Variants in DGKI observed in about 807,000 individuals in gnomAD.
DGKI encodes the protein DAG kinase iota.
A neutral mutation model predicts 147.5 loss-of-function variants in DGKI; 55 were observed. The ratio of observed to expected loss-of-function variants is 0.37; its 90% CI spans 0.30 to 0.47. The LOEUF is 0.47. Among genes scored for constraint, DGKI ranks in the 20% least tolerant of loss-of-function variants. DGKI has a pLI of 1.00. For missense variants in DGKI, 1,007 were observed against 1,323.8 expected (o/e 0.76, Z 3.71); for synonymous variants, 469 against 477.1 (o/e 0.98, Z 0.22).
At chr7:137,440,847 C>T (rs1813471970) in intron 28 of DGKI, among the ~76,000 whole-genome samples, 1 of 152,090 alleles carries the variant, frequency 6.6e-6, no homozygotes, top group African/African-American at 2.4e-5. Context: ...CTTGTGTTGC[C>T]AATTCTATAT....
chr7:137,599,393 G>GCACA (rs144091863), intron 11 of DGKI, among the ~76,000 whole-genome samples: 5 of 150,258 alleles, frequency 3.3e-5, no homozygotes, highest in Admixed American at 1.3e-4. Context: ...ACAAGCGCGC[G>GCACA]CACACACACA....
At chr7:137,607,587 T>C (rs1291345447) in intron 10 of DGKI, among the ~76,000 whole-genome samples, 1 of 152,180 alleles carries the variant, frequency 6.6e-6, no homozygotes, top group Non-Finnish European at 1.5e-5. Context: ...ATGTGGACTG[T>C]CATGACAAAA....
intron 21 of DGKI, among the ~76,000 whole-genome samples, chr7:137,506,726 T>C (rs1816381653): frequency 6.6e-6 from 1 of 152,150 alleles, no homozygotes; most frequent in African/African-American, 2.4e-5. Context: ...AGAGGATATA[T>C]GGAATTCTCT....
chr7:137,531,639 G>A (rs971815570), intron 20 of DGKI, among the ~76,000 whole-genome samples: 1 of 152,166 alleles, frequency 6.6e-6, no homozygotes, highest in Non-Finnish European at 1.5e-5. Context: ...CTATGTATCA[G>A]AGGGATCTCT....
chr7:137,755,248 T>C (rs1023052594), intron 1 of DGKI, among the ~76,000 whole-genome samples: 1 of 152,170 alleles, frequency 6.6e-6, no homozygotes, highest in Non-Finnish European at 1.5e-5. Flanking sequence ...GAAACATGAA[T>C]TAAAAAATGA....
At chr7:137,705,253 T>TA in intron 1 of DGKI, among the ~76,000 whole-genome samples, 1 of 151,990 alleles carries the variant, frequency 6.6e-6, no homozygotes, top group Non-Finnish European at 1.5e-5. Flanking sequence ...CTCCTAGATA[T>TA]AAAAAATTAT....
intron 21 of DGKI, among the ~76,000 whole-genome samples, chr7:137,497,893 C>T (rs1018754991): frequency 2.3e-4 from 35 of 151,846 alleles, no homozygotes; most frequent in African/African-American, 8.3e-4. Context: ...AATCTGCACA[C>T]TAAACACCTG....
At chr7:137,712,915 T>A (rs1171375804) in intron 1 of DGKI, among the ~76,000 whole-genome samples, 1 of 152,202 alleles carries the variant, frequency 6.6e-6, no homozygotes, top group Non-Finnish European at 1.5e-5. Context: ...CCTCGCCACT[T>A]AGCAACTTGT....
At chr7:137,782,250 G>A (rs976578505) in intron 1 of DGKI, among the ~76,000 whole-genome samples, 10 of 152,124 alleles carry the variant, frequency 6.6e-5, no homozygotes, top group African/African-American at 2.2e-4. Context: ...TGCTGTCGTG[G>A]GGGCATGATG....
chr7:137,698,401 T>C (rs1823867588), intron 1 of DGKI, among the ~76,000 whole-genome samples: 1 of 152,156 alleles, frequency 6.6e-6, no homozygotes, highest in African/African-American at 2.4e-5. Context: ...GAAGCTGGAC[T>C]ATGAGATAGT....
intron 1 of DGKI, among the ~76,000 whole-genome samples, chr7:137,806,957 TC>T (rs1279128149): frequency 6.6e-6 from 1 of 152,170 alleles, no homozygotes; most frequent in Non-Finnish European, 1.5e-5. Flanking sequence ...AACAGGGCCA[TC>T]CAGGTAATTG....
chr7:137,666,451 T>C (rs969398693), intron 3 of DGKI, among the ~76,000 whole-genome samples: 6 of 152,096 alleles, frequency 3.9e-5, no homozygotes, highest in Admixed American at 6.5e-5. Context: ...ACGACGTGAA[T>C]CTTAGGAGAA....
At chr7:137,395,968 T>C in intron 31 of DGKI, 1 of 420,062 alleles carries the variant, frequency 2.4e-6, no homozygotes, top group East Asian at 4.0e-5. Context: ...TACTATTTGA[T>C]TTAGGTGATA....
intron 1 of DGKI, among the ~76,000 whole-genome samples, chr7:137,844,539 A>T (rs1428265532): frequency 3.3e-5 from 5 of 152,188 alleles, no homozygotes; most frequent in Non-Finnish European, 7.3e-5. Flanking sequence ...GGAATTGGAG[A>T]CTGTAAAGCT....
intron 28 of DGKI, among the ~76,000 whole-genome samples, chr7:137,434,639 A>G (rs536194898): frequency 2.6e-5 from 4 of 152,110 alleles, no homozygotes; most frequent in Non-Finnish European, 5.9e-5. Context: ...GCCACTTACA[A>G]TCAACCTTCA....
Position 137,466,004 on chromosome 7 carries a change from T to C in DGKI, c.2516A>G (p.Gln839Arg), listed in dbSNP as rs1313245565. ...EHLHFVMEIS[Q>R]DEIFILDPDM... Reference sequence around the variant, plus strand: ...TGGGTCCAGAATAAAAATCTCATCTTGGGAAATCTCCATCACAAAGTGCAA... The same window carrying C: ...TGGGTCCAGAATAAAAATCTCATCTCGGGAAATCTCCATCACAAAGTGCAA... Residue 839 changes from glutamine (Q) to arginine (R), a missense_variant, in exon 26 of 33, where the codon CAA (glutamine) becomes CGA (arginine). By Grantham distance (43) the Gln-to-Arg change is conservative (BLOSUM62 1). Around this residue, in one of 5 missense-constraint regions of DGKI, gnomAD observed 385 missense variants for 445.2 expected, o/e 0.86. Transcript: ENST00000614521. 1.2e-6 allele frequency: 2 copies of C among 1,613,992 alleles called. No homozygotes were observed. The highest frequency in any genetic ancestry group is 2.7e-5 in the African/African-American group (2 of 74,942).
intron 1 of DGKI, among the ~76,000 whole-genome samples, chr7:137,698,531 T>C (rs1180388911): frequency 1.3e-5 from 2 of 152,220 alleles, no homozygotes; most frequent in African/African-American, 2.4e-5. Context: ...AGGCAGCCCC[T>C]GGGGAGAGTA....
chr7:137,654,045 A>G (rs1028588603), intron 5 of DGKI, among the ~76,000 whole-genome samples: 2 of 152,214 alleles, frequency 1.3e-5, no homozygotes, highest in Non-Finnish European at 2.9e-5. Context: ...TGAACAAATA[A>G]GTGCTGTCTC....
chr7:137,535,811 G>T (rs1369440250), intron 20 of DGKI, among the ~76,000 whole-genome samples: 2 of 152,076 alleles, frequency 1.3e-5, no homozygotes, highest in Non-Finnish European at 2.9e-5. Context: ...GCTCTGGGTG[G>T]ACTGTTACTA....
Sources: gnomAD v4.1 joint callset for allele counts (sites outside exome capture counted in the v4.1 genomes callset) on GRCh38, gnomAD v4.1.1 for gene constraint, gnomAD v4.1.1 regional missense constraint, MANE v1.5 for transcripts, NCBI Gene and HGNC (gene_info 2026-07-23, HGNC 2026-07-21) for gene names.